The following SLC67A1 variants were observed in gnomAD, a reference collection of about 807,000 sequenced individuals.
The protein encoded by SLC67A1 is solute carrier family 67 member A1.
chr11:2,913,091 A>G, the SLC67A1 span, among the ~76,000 whole-genome samples: 840 of 152,022 alleles, frequency 5.5e-3, 4 homozygotes, highest in Middle Eastern at 0.027. Context: ...GTAACAGGGC[A>G]CCTGCTGTAC....
At chr11:2,920,863 C>G in the SLC67A1 span, 1 of 152,196 alleles carries the variant, frequency 6.6e-6, no homozygotes, top group Non-Finnish European at 1.5e-5. Flanking sequence ...AAGTCCTTCA[C>G]GGCACTCACT....
chr11:2,909,603 G>T, the SLC67A1 span: 1 of 1,531,438 alleles, frequency 6.5e-7, no homozygotes. Context: ...TCACGGACCT[G>T]TCGGCACCCG....
the SLC67A1 span, chr11:2,908,350 A>AG: frequency 6.4e-7 from 1 of 1,573,592 alleles, no homozygotes; most frequent in Non-Finnish European, 8.7e-7. Context: ...GTGTGTGTAC[A>AG]GGGGCTCTCC....
At chr11:2,921,110 A>C in the SLC67A1 span, 1 of 151,210 alleles carries the variant, frequency 6.6e-6, no homozygotes, top group Admixed American at 6.6e-5. Context: ...AGGCACCTGT[A>C]GTCCCAGCTA....
the SLC67A1 span, chr11:2,919,643 C>G: frequency 1.8e-6 from 1 of 550,622 alleles, no homozygotes; most frequent in East Asian, 3.0e-5. Context: ...TGGCTGGGAT[C>G]TGTGGCAGCC....
the SLC67A1 span, chr11:2,915,075 G>T: frequency 1.0e-6 from 1 of 985,254 alleles, no homozygotes; most frequent in Non-Finnish European, 1.2e-6. Context: ...GGATTGGCGG[G>T]GGCAGCAGCA....
chr11:2,900,711 A>C, the SLC67A1 span, among the ~76,000 whole-genome samples: 1 of 151,082 alleles, frequency 6.6e-6, no homozygotes, highest in East Asian at 1.9e-4. Context: ...AAAAAAAAAA[A>C]AAAAAAGATA....
chr11:2,922,334 A>G, the SLC67A1 span: 1 of 1,539,792 alleles, frequency 6.5e-7, no homozygotes. Flanking sequence ...CCAGCTCTTC[A>G]GCAGGGACAG....
chr11:2,921,064 CA>C, the SLC67A1 span: 88,191 of 132,370 alleles, frequency 0.67, 29,548 homozygotes, highest in East Asian at 0.97. Context: ...ACCAAAAATA[CA>C]AAAAAAAAAA....
At chr11:2,924,997 A>G in the SLC67A1 span, 2 of 1,598,100 alleles carry the variant, frequency 1.3e-6, no homozygotes, top group African/African-American at 2.7e-5. This position sits in a 1 kb window ranked among gnomAD's most constrained non-coding sequence, Gnocchi z 8.6. Context: ...GACTACCCCC[A>G]TGCACCCCCC....
chr11:2,909,447 G>C, the SLC67A1 span: 3 of 1,435,790 alleles, frequency 2.1e-6, no homozygotes, highest in Non-Finnish European at 2.7e-6. Flanking sequence ...CTGCGTGCGC[G>C]CGGGGTCTGG....
At chr11:2,922,140 C>A in the SLC67A1 span, 1 of 1,613,738 alleles carries the variant, frequency 6.2e-7, no homozygotes, top group Admixed American at 1.7e-5. Flanking sequence ...TGAGCAGCCA[C>A]TTCTCGGAGG....
At chr11:2,909,335 G>A in the SLC67A1 span, 1 of 1,528,834 alleles carries the variant, frequency 6.5e-7, no homozygotes, top group South Asian at 1.2e-5. Flanking sequence ...CCTGCCCGGA[G>A]CGCTCATGCA....
At chr11:2,916,663 TG>T in the SLC67A1 span, 2 of 1,612,874 alleles carry the variant, frequency 1.2e-6, no homozygotes, top group Non-Finnish European at 1.7e-6. Context: ...GCCACCCTCC[TG>T]GGAGCTGTCC....
chr11:2,905,901 G>C, the SLC67A1 span, among the ~76,000 whole-genome samples: 1 of 152,194 alleles, frequency 6.6e-6, no homozygotes, highest in Non-Finnish European at 1.5e-5. Flanking sequence ...GGTCCAGTGG[G>C]TGCCCCCACA....
chr11:2,909,479 G>T, the SLC67A1 span: 78 of 1,433,906 alleles, frequency 5.4e-5, no homozygotes, highest in East Asian at 5.9e-4. Context: ...GGACGGGGGT[G>T]GGGGGCGACG....
chr11:2,917,537 G>A, the SLC67A1 span, among the ~76,000 whole-genome samples: 4 of 152,238 alleles, frequency 2.6e-5, no homozygotes, highest in Non-Finnish European at 4.4e-5. Flanking sequence ...CCAGGCCACG[G>A]CGGTGACTTG....
the SLC67A1 span, among the ~76,000 whole-genome samples, chr11:2,915,497 T>C: frequency 6.6e-6 from 1 of 152,302 alleles, no homozygotes; most frequent in South Asian, 2.1e-4. Context: ...GAACTTGTGC[T>C]GCGTGTGTGA....
chr11:2,913,981 C>G, the SLC67A1 span, among the ~76,000 whole-genome samples: 46,262 of 151,998 alleles, frequency 0.3, 7,198 homozygotes, highest in East Asian at 0.51. Flanking sequence ...AGGTGGGCTG[C>G]GCCCTGCAGG....
Sources: gnomAD v4.1 joint callset for allele counts (sites outside exome capture counted in the v4.1 genomes callset) on GRCh38, gnomAD v4.1.1 for gene constraint, Gnocchi (gnomAD v3.1) non-coding constraint, MANE v1.5 for transcripts, NCBI Gene and HGNC (gene_info 2026-07-23, HGNC 2026-07-21) for gene names.